Variants in EGFR observed in about 807,000 individuals in gnomAD.
The protein encoded by EGFR is avian erythroblastic leukemia viral (v-erb-b) oncogene homolog.
A neutral mutation model predicts 143.0 loss-of-function variants in EGFR; 58 were observed. That is an observed-to-expected ratio of 0.41 (90% CI 0.33 to 0.50). EGFR has a LOEUF of 0.50. EGFR is among the 20% of genes least tolerant of loss of function. The probability of loss-of-function intolerance (pLI) is 0.39; values close to 1 mark genes in which losing one functional copy is unlikely to be tolerated. For missense variants in EGFR, 1,307 were observed against 1,579.0 expected (o/e 0.83, Z 2.92); for synonymous variants, 613 against 594.4 (o/e 1.03, Z -0.45).
At chr7:55,108,220 C>CGG (rs1792252657) in intron 1 of EGFR, among the ~76,000 whole-genome samples, 2 of 152,210 alleles carry the variant, frequency 1.3e-5, no homozygotes, top group Non-Finnish European at 2.9e-5. Flanking sequence ...AGGCCATTCC[C>CGG]ACAGAATTTT....
chr7:55,046,892 G>A (rs987735176), intron 1 of EGFR, among the ~76,000 whole-genome samples: 14 of 152,208 alleles, frequency 9.2e-5, no homozygotes, highest in African/African-American at 2.9e-4. Flanking sequence ...TGCTTTGCAA[G>A]TGTGTCCACA....
rs376042898 is a variant in EGFR, at chr7:55,155,958, G to A, written c.1006+12G>A. The A allele has an allele frequency of 2.5e-6, 4 of 1,601,314 alleles. No individual in the cohort carries two copies. Among genetic ancestry groups the A allele is most frequent in the African/African-American group, 2.7e-5 (2 of 74,626 alleles). On this transcript the variant is annotated intron_variant, in intron 8 of 27. Transcript: ENST00000275493. ...GCCTTGCCGCAAAGGTAGGAAGCCC[G>A]CCGGTGTGCGGACGAGGCTTGTTCT...
At chr7:55,021,060 G>C (rs113913630) in intron 1 of EGFR, among the ~76,000 whole-genome samples, 8 of 152,084 alleles carry the variant, frequency 5.3e-5, no homozygotes, top group Admixed American at 2.0e-4. Context: ...TAAAGTCTCC[G>C]GAGATGTTAC....
intron 1 of EGFR, among the ~76,000 whole-genome samples, chr7:55,141,081 G>T (rs1175379445): frequency 6.6e-6 from 1 of 152,212 alleles, no homozygotes; most frequent in Non-Finnish European, 1.5e-5. Context: ...GCCATGGTTT[G>T]TGCTCTACCA....
chr7:55,088,237 T>C (rs1466278715), intron 1 of EGFR, among the ~76,000 whole-genome samples: 2 of 152,316 alleles, frequency 1.3e-5, no homozygotes, highest in East Asian at 3.9e-4. Flanking sequence ...TGTATTCCAC[T>C]TGGACTTGGC....
intron 23 of EGFR, among the ~76,000 whole-genome samples, chr7:55,199,738 G>T (rs1787766499): frequency 6.6e-6 from 1 of 152,162 alleles, no homozygotes; most frequent in Non-Finnish European, 1.5e-5. Context: ...CAGCAGCACA[G>T]TTAACAGTGT....
intron 1 of EGFR, among the ~76,000 whole-genome samples, chr7:55,080,970 A>G (rs1262111738): frequency 6.6e-6 from 1 of 152,150 alleles, no homozygotes; most frequent in African/African-American, 2.4e-5. Flanking sequence ...GCCAGTCAGG[A>G]TGATAAAGCT....
intron 1 of EGFR, among the ~76,000 whole-genome samples, chr7:55,083,224 G>A (rs1052862610): frequency 1.4e-4 from 22 of 152,208 alleles, no homozygotes; most frequent in African/African-American, 4.8e-4. Flanking sequence ...ACTCGTTCTT[G>A]GAGACGTTGA....
intron 10 of EGFR, 136 bp from the exon 11 acceptor site, chr7:55,157,527 A>C (rs1216124096): frequency 1.3e-6 from 1 of 781,426 alleles, no homozygotes; most frequent in Non-Finnish European, 2.2e-6. Flanking sequence ...GAAGATGATA[A>C]TGAAAAAGAA....
At chr7:55,064,736 A>G (rs1185335894) in intron 1 of EGFR, among the ~76,000 whole-genome samples, 2 of 152,242 alleles carry the variant, frequency 1.3e-5, no homozygotes, top group Non-Finnish European at 2.9e-5. Flanking sequence ...TAACAATACA[A>G]GGATGGATTT....
intron 1 of EGFR, among the ~76,000 whole-genome samples, chr7:55,072,790 T>G (rs1789911900): frequency 1.3e-5 from 2 of 152,204 alleles, no homozygotes; most frequent in Non-Finnish European, 2.9e-5. Context: ...CTTAAAAAGA[T>G]AGTGCAGATG....
At chr7:55,082,753 A>T (rs1261547172) in intron 1 of EGFR, among the ~76,000 whole-genome samples, 1 of 152,176 alleles carries the variant, frequency 6.6e-6, no homozygotes, top group Non-Finnish European at 1.5e-5. Context: ...GCTCTAACAG[A>T]TCACCATCCT....
At chr7:55,047,339 C>A (rs772747633) in intron 1 of EGFR, among the ~76,000 whole-genome samples, 2 of 152,244 alleles carry the variant, frequency 1.3e-5, no homozygotes, top group Non-Finnish European at 2.9e-5. Context: ...TATTGTTATG[C>A]AGGAAAACTT....
chr7:55,063,121 G>A (rs78743393), intron 1 of EGFR, among the ~76,000 whole-genome samples: 2,606 of 152,132 alleles, frequency 0.017, 65 homozygotes, highest in African/African-American at 0.06. Context: ...CTTCACTGAG[G>A]GTCAAATGGA....
rs757939047 is a variant in EGFR, at chr7:55,192,774, C to T, written c.2634C>T (p.Ile878=). 14 of 1,614,036 alleles carry T rather than the reference C, an allele frequency of 8.7e-6. No homozygotes were observed. In the South Asian group the frequency reaches 1.4e-4, roughly 16 times the overall value. The change falls in exon 22 of 28, where the codon ATC becomes ATT. Residue 878 remains isoleucine, a synonymous_variant. Transcript: ENST00000275493. ...TCTCTCACCATCCCAAGGTGCCTAT[C>T]AAGTGGATGGCATTGGAATCAATTT... ...EYHAEGGKVP[I]KWMALESILH...
chr7:55,140,512 C>G (rs1185141799), intron 1 of EGFR, among the ~76,000 whole-genome samples: 1 of 152,190 alleles, frequency 6.6e-6, no homozygotes, highest in Non-Finnish European at 1.5e-5. Flanking sequence ...ATTGTCACAA[C>G]CTGGTACCTA....
intron 19 of EGFR, chr7:55,180,811 G>A (rs868393092): frequency 5.7e-5 from 11 of 192,424 alleles, no homozygotes; most frequent in East Asian, 1.3e-4. Context: ...CTTCTCCATC[G>A]CTTGTCCTCT....
At chr7:55,059,381 T>A (rs766726953) in intron 1 of EGFR, among the ~76,000 whole-genome samples, 1 of 152,214 alleles carries the variant, frequency 6.6e-6, no homozygotes, top group Non-Finnish European at 1.5e-5. Flanking sequence ...CCCTGTTTCT[T>A]TCTCATGGTC....
At chr7:55,158,616 T>C (rs1785544512) in intron 11 of EGFR, among the ~76,000 whole-genome samples, 2 of 152,232 alleles carry the variant, frequency 1.3e-5, no homozygotes, top group South Asian at 4.1e-4. Flanking sequence ...TTTTCTTGGA[T>C]GGCTGGTATG....
Sources: gnomAD v4.1 joint callset for allele counts (sites outside exome capture counted in the v4.1 genomes callset) on GRCh38, gnomAD v4.1.1 for gene constraint, MANE v1.5 for transcripts, NCBI Gene and HGNC (gene_info 2026-07-23, HGNC 2026-07-21) for gene names.